The following FAM118B variants were observed in gnomAD, a reference collection of about 807,000 sequenced individuals.
FAM118B encodes the protein SIR2 antiphage like 1, also known as protein FAM118B.
Under a neutral mutation model 38.5 loss-of-function variants are expected in FAM118B, and 24 were observed. That is an observed-to-expected ratio of 0.62 (90% CI 0.45 to 0.88). The LOEUF is 0.88. Among genes scored for constraint, FAM118B ranks in the 40% least tolerant of loss-of-function variants. The pLI, the probability that FAM118B is intolerant of heterozygous loss-of-function variation, is 0.00. For synonymous variants in FAM118B, 138 were observed against 156.3 expected, an observed-to-expected ratio of 0.88 and a Z score of 0.87; for missense variants, 334 against 420.0, an observed-to-expected ratio of 0.80 and a Z score of 1.79.
intron 1 of FAM118B, among the ~76,000 whole-genome samples, chr11:126,216,938 C>A (rs1565323561): frequency 6.6e-6 from 1 of 152,258 alleles, no homozygotes; most frequent in Admixed American, 6.5e-5. Flanking sequence ...CCTATGCTGG[C>A]AGCTCAGGGC....
intron 2 of FAM118B, among the ~76,000 whole-genome samples, chr11:126,232,266 T>C (rs1358949862): frequency 6.6e-6 from 1 of 152,186 alleles, no homozygotes; most frequent in African/African-American, 2.4e-5. Context: ...TTAGCAATAG[T>C]GTAGTTAAGA....
At chr11:126,222,249 C>T (rs1950073323) in intron 1 of FAM118B, among the ~76,000 whole-genome samples, 2 of 152,194 alleles carry the variant, frequency 1.3e-5, no homozygotes, top group African/African-American at 4.8e-5. Context: ...AAAACAGTGC[C>T]TGGCTTACTG....
intron 1 of FAM118B, among the ~76,000 whole-genome samples, chr11:126,219,943 A>AG (rs559980977): frequency 3.4e-4 from 51 of 151,584 alleles, no homozygotes; most frequent in African/African-American, 1.2e-3. Context: ...TTTTTTTTAA[A>AG]GGGGGGGCTT....
chr11:126,220,640 C>G (rs952991180), intron 1 of FAM118B, among the ~76,000 whole-genome samples: 3 of 152,068 alleles, frequency 2.0e-5, no homozygotes, highest in African/African-American at 7.2e-5. Flanking sequence ...CCTTGAGCCC[C>G]AGAGTTTGAT....
At chr11:126,222,350 C>G (rs1045813863) in intron 1 of FAM118B, among the ~76,000 whole-genome samples, 1 of 152,150 alleles carries the variant, frequency 6.6e-6, no homozygotes, top group Non-Finnish European at 1.5e-5. Context: ...GATATTTGAA[C>G]GTGAAGATGT....
rs1344063823 is a variant in FAM118B, at chr11:126,253,743, A to G, written c.568-562A>G. Among the ~76,000 whole-genome samples, 3 of 152,172 alleles carry G rather than the reference A, an allele frequency of 2.0e-5. No individual in the cohort carries two copies. Among genetic ancestry groups the G allele is most frequent in the Admixed American group, 1.3e-4 (2 of 15,284 alleles). On this transcript the variant is annotated intron_variant, in intron 5 of 8. Transcript: ENST00000533050. The surrounding 1 kb of genome is among the most constrained non-coding windows in gnomAD (Gnocchi z 5.1). ...AGGGGACCATACTTCCCTGCAAGCA[A>G]TTGGCCAGGCCATATATGTCCCAGC... is the stretch of plus-strand genomic sequence containing the variant.
chr11:126,250,867 GTTTTTCT>G lies in FAM118B; in HGVS notation c.567+144_567+150del, dbSNP rs1438204962. ...AATTTTTTCCCTGGTTGGAGTTTTT[GTTTTTCT>G]TTTTTCTTTCTTTTTAAAGATCAAA... On this transcript the variant is annotated intron_variant, in intron 5 of 8. Coordinates refer to ENST00000533050, the MANE Select transcript of FAM118B (RefSeq NM_024556.4). The surrounding 1 kb of genome is among the most constrained non-coding windows in gnomAD (Gnocchi z 5.1). 3.4e-5 allele frequency: 22 copies of G among 638,856 alleles called. No individual in the cohort carries two copies. The highest frequency in any genetic ancestry group is 1.1e-5 in the Non-Finnish European group (4 of 375,244). The allele number at this position is 638,856 out of a possible 1,614,324, so 39.6% of individuals were successfully genotyped here.
chr11:126,244,342 G>A lies in FAM118B; in HGVS notation c.339+3298G>A, dbSNP rs1950395334. On this transcript the variant is annotated intron_variant, in intron 4 of 8. Coordinates refer to ENST00000533050, the MANE Select transcript of FAM118B (RefSeq NM_024556.4). The surrounding 1 kb of genome is among the most constrained non-coding windows in gnomAD (Gnocchi z 4.5). ...TGATCTAGTCTATAGAAGATCCTAG[G>A]TTATCCTCTATTAGAACTAACAAGC... is the stretch of plus-strand genomic sequence containing the variant. 1.3e-5 allele frequency among the ~76,000 whole-genome samples: 2 copies of A among 152,282 alleles called. No individual in the cohort carries two copies.
At chr11:126,236,186 T>C (rs2135159267) in intron 3 of FAM118B, among the ~76,000 whole-genome samples, 1 of 152,364 alleles carries the variant, frequency 6.6e-6, no homozygotes, top group African/African-American at 2.4e-5. Flanking sequence ...GATTCTCTGT[T>C]TGCTGGATCT....
rs149219443 is a variant in FAM118B, at chr11:126,239,934, G to A, written c.87-858G>A. On this transcript the variant is annotated intron_variant, in intron 3 of 8. Coordinates refer to ENST00000533050, the MANE Select transcript of FAM118B (RefSeq NM_024556.4). ...CTTGAAAGTGCTATTCCTTTCTTGAGTTATGCCAAAATGCTGATCCTCTCC... is the reference window on the plus strand; with the variant it reads ...CTTGAAAGTGCTATTCCTTTCTTGAATTATGCCAAAATGCTGATCCTCTCC... 1.6e-4 allele frequency among the ~76,000 whole-genome samples: 25 copies of A among 152,310 alleles called. No homozygotes were observed. In the East Asian group the frequency reaches 4.4e-3, roughly 27 times the overall value.
rs1950587667 is a variant in FAM118B, at chr11:126,256,920, A to T, written c.982+68A>T. The T allele has an allele frequency of 6.9e-7, 1 of 1,458,550 alleles. No individual in the cohort carries two copies. The highest frequency in any genetic ancestry group is 2.1e-5 in the Admixed American group (1 of 48,780). The allele number at this position is 1,458,550 out of a possible 1,614,324, so 90.4% of individuals were successfully genotyped here. On this transcript the variant is annotated intron_variant, in intron 7 of 8. Coordinates refer to ENST00000533050, the MANE Select transcript of FAM118B (RefSeq NM_024556.4). The surrounding 1 kb of genome is among the most constrained non-coding windows in gnomAD (Gnocchi z 6.6). ...CTCTTCAGCCTTTTGTGTATTTGTG[A>T]TGTGATGGGCAAAATAGTTGCCAAG... is the stretch of plus-strand genomic sequence containing the variant.
upstream of FAM118B, chr11:126,211,730 CG>C (rs959366338): frequency 5.3e-5 from 76 of 1,431,550 alleles, no homozygotes; most frequent in African/African-American, 9.3e-4. Context: ...TCACGTGGTG[CG>C]GGGTGGGGCC....
chr11:126,214,876 CTAAT>C (rs1949958875), intron 1 of FAM118B, among the ~76,000 whole-genome samples: 1 of 152,112 alleles, frequency 6.6e-6, no homozygotes, highest in Non-Finnish European at 1.5e-5. Flanking sequence ...CAAGGACTAA[CTAAT>C]AAAGGAACTT....
intron 4 of FAM118B, among the ~76,000 whole-genome samples, chr11:126,249,830 C>T (rs1342783055): frequency 6.6e-6 from 1 of 150,868 alleles, no homozygotes; most frequent in Non-Finnish European, 1.5e-5. Flanking sequence ...GCAAGATGAA[C>T]GGAAAGTGTT....
Position 126,241,613 on chromosome 11 carries a change from G to C in FAM118B, c.339+569G>C, listed in dbSNP as rs532600370. ...CACCCAGGCTGAAGTTCAGTGGTTC[G>C]ATCTCGCCTCATGGCAGCCTCCGCC... On this transcript the variant is annotated intron_variant, in intron 4 of 8. Coordinates refer to ENST00000533050, the MANE Select transcript of FAM118B (RefSeq NM_024556.4). 5.9e-4 allele frequency among the ~76,000 whole-genome samples: 90 copies of C among 151,780 alleles called. 1 individual carries two copies. Among genetic ancestry groups the C allele is most frequent in the African/African-American group, 2.1e-3 (88 of 41,382 alleles).
intron 1 of FAM118B, among the ~76,000 whole-genome samples, chr11:126,227,309 T>A (rs887502275): frequency 6.6e-6 from 1 of 152,024 alleles, no homozygotes; most frequent in African/African-American, 2.4e-5. Context: ...ATGATCCACC[T>A]GCTTGGCCTC....
rs377063940 is a variant in FAM118B at position 126,262,156 on chromosome 11, G to A, written c.*23G>A. The A allele has an allele frequency of 1.1e-5, 17 of 1,613,160 alleles. No individual in the cohort carries two copies. The East Asian group carries it at 1.3e-4, about 13-fold the overall frequency. ...TGAGCGAGCTAGAGAAATCACCACC[G>A]TTTAGACCAAGCTGTAAGGCCCTAC... On this transcript the variant is annotated 3_prime_UTR_variant, in exon 9 of 9. Transcript: ENST00000533050.
chr11:126,255,504 CAT>C lies in FAM118B; in HGVS notation c.697-1061_697-1060del, dbSNP rs1006798738. On this transcript the variant is annotated intron_variant, in intron 6 of 8. Coordinates refer to ENST00000533050, the MANE Select transcript of FAM118B (RefSeq NM_024556.4). The surrounding 1 kb of genome is among the most constrained non-coding windows in gnomAD (Gnocchi z 4.6). ...GTGTATATGTATACACACACACACACATACTGATGTTCTAAGTATCAAACGCC... is the reference window on the plus strand; with the variant it reads ...GTGTATATGTATACACACACACACACACTGATGTTCTAAGTATCAAACGCC... Among the ~76,000 whole-genome samples the C allele has an allele frequency of 5.9e-5, 9 of 152,130 alleles. No individual in the cohort carries two copies. Among genetic ancestry groups the C allele is most frequent in the African/African-American group, 1.2e-4 (5 of 41,420 alleles).
intron 3 of FAM118B, among the ~76,000 whole-genome samples, chr11:126,237,728 G>A (rs1385843346): frequency 5.5e-4 from 79 of 143,434 alleles, no homozygotes; most frequent in African/African-American, 1.8e-3. Flanking sequence ...GTGGTGGCGC[G>A]TGCCTGTAAT....
Sources: gnomAD v4.1 joint callset for allele counts (sites outside exome capture counted in the v4.1 genomes callset) on GRCh38, gnomAD v4.1.1 for gene constraint, Gnocchi (gnomAD v3.1) non-coding constraint, MANE v1.5 for transcripts, NCBI Gene and HGNC (gene_info 2026-07-23, HGNC 2026-07-21) for gene names.